Variants in FAM204A observed in about 807,000 individuals in gnomAD.
FAM204A encodes family with sequence similarity 204 member A, also known as protein FAM204A.
FAM204A carries 16 observed loss-of-function variants against 35.4 expected under a neutral mutation model. That is an observed-to-expected ratio of 0.45 (90% confidence interval 0.31 to 0.69). FAM204A has a LOEUF of 0.69. Ranked by LOEUF, FAM204A falls within the 30% of genes least tolerant of loss-of-function variation. FAM204A has a pLI of 0.07. For missense variants in FAM204A, 240 were observed against 265.7 expected, an observed-to-expected ratio of 0.90 and a Z score of 0.67; for synonymous variants, 76 against 86.9, an observed-to-expected ratio of 0.88 and a Z score of 0.70.
At position 118,311,240 on chromosome 10, in the gene FAM204A, T is replaced by C; in HGVS notation, c.617A>G (p.Gln206Arg). ...AAGTTTCTTCTTTTTTCGGGCAGCC[T>C]GTGAATTTTCAACCTCCTTTTTGGC... ...VKAKKEVENS[Q>R]AARKKKKLAW... The change falls in exon 8 of 9, where the codon CAG (glutamine) becomes CGG (arginine). Residue 206 changes from glutamine (Q) to arginine (R), a missense_variant. Transcript: ENST00000369183. The C allele has an allele frequency of 6.2e-7, 1 of 1,611,632 alleles. No individual in the cohort carries two copies. The highest frequency in any genetic ancestry group is 8.5e-7 in the Non-Finnish European group (1 of 1,179,616).
rs546554417 is a variant in FAM204A at position 118,302,237 on chromosome 10, A to G, written c.*8620T>C. ...CACAAGCCTTCAATGCATTTATTGA[A>G]ATAATGAGAAAAGGAAATGCAGGAA... On this transcript the variant is annotated 3_prime_UTR_variant, in exon 9 of 9. Coordinates refer to ENST00000369183, the MANE Select transcript of FAM204A (RefSeq NM_022063.3). 1 of 152,338 alleles carries G rather than the reference A, an allele frequency of 6.6e-6. No individual in the cohort carries two copies. The highest frequency in any genetic ancestry group is 2.4e-5 in the African/African-American group (1 of 41,578). 9.4% of individuals were successfully genotyped at this position (152,338 alleles called of 1,614,324 possible). A position where few individuals can be genotyped will look rare whatever the true frequency, so the allele number is the denominator to read the frequency against.
chr10:118,319,264 T>C (rs1170942377), intron 7 of FAM204A, among the ~76,000 whole-genome samples: 1 of 152,136 alleles, frequency 6.6e-6, no homozygotes, highest in Non-Finnish European at 1.5e-5. Flanking sequence ...GGCTACAAAT[T>C]AACAGTCTGC....
In FAM204A at chr10:118,326,234, C is replaced by T; in HGVS notation, c.463G>A (p.Glu155Lys). The T allele has an allele frequency of 2.5e-6, 4 of 1,613,164 alleles. No homozygotes were observed. The highest frequency in any genetic ancestry group is 3.4e-6 in the Non-Finnish European group (4 of 1,179,582). ...KRKKVEKSGL[E>K]KRIDQAVEEW... ...TCCACAGCCTGGTCTATCCTCTTTT[C>T]AAGGCCTGACTAGAAAAAAAAGAAA... Residue 155 changes from glutamate (E) to lysine (K), a missense_variant, in exon 7 of 9, where the codon GAA (glutamate) becomes AAA (lysine). Glu to Lys is a moderately conservative substitution (Grantham distance 56, BLOSUM62 1). Around this residue, in one of 2 missense-constraint regions of FAM204A, gnomAD observed 232 missense variants for 242.8 expected, o/e 0.96. Transcript: ENST00000369183.
chr10:118,316,665 C>A (rs1564755635), intron 7 of FAM204A, among the ~76,000 whole-genome samples: 1 of 152,078 alleles, frequency 6.6e-6, no homozygotes, highest in African/African-American at 2.4e-5. Flanking sequence ...CATAACCCAA[C>A]AAATCCTGTT....
intron 7 of FAM204A, among the ~76,000 whole-genome samples, chr10:118,316,593 C>T (rs564930706): frequency 3.9e-5 from 6 of 152,228 alleles, no homozygotes; most frequent in South Asian, 2.1e-4. Flanking sequence ...TATATATGTA[C>T]GATCGTTTAC....
chr10:118,341,683 G>T (rs538888745), intron 2 of FAM204A, 44 bp downstream of exon 2: 2 of 152,288 alleles, frequency 1.3e-5, no homozygotes, highest in South Asian at 2.1e-4. Context: ...CAAGTTAACA[G>T]TTCAAGGCTC....
At chr10:118,314,047 C>A (rs1420349412) in intron 7 of FAM204A, among the ~76,000 whole-genome samples, 2 of 152,200 alleles carry the variant, frequency 1.3e-5, no homozygotes, top group African/African-American at 4.8e-5. Context: ...AAATCCAGCA[C>A]AACTAGCATC....
chr10:118,325,362 T>G lies in FAM204A; in HGVS notation c.543+792A>C, dbSNP rs376547185. 1.4e-4 allele frequency among the ~76,000 whole-genome samples: 22 copies of G among 152,078 alleles called. No individual in the cohort carries two copies. In the East Asian group the frequency reaches 1.9e-3, roughly 13 times the overall value. ...AAGTCAGAATAGTGAGTGTGGCCAG[T>G]AATTTACCCAGATAACCCATGATGC... On this transcript the variant is annotated intron_variant, in intron 7 of 8. Transcript: ENST00000369183.
intron 7 of FAM204A, among the ~76,000 whole-genome samples, chr10:118,325,666 T>A (rs1846186721): frequency 6.6e-6 from 1 of 152,158 alleles, no homozygotes; most frequent in East Asian, 1.9e-4. Flanking sequence ...GAATACCCAA[T>A]ATATCTATTA....
At chr10:118,318,736 A>C (rs949649289) in intron 7 of FAM204A, among the ~76,000 whole-genome samples, 2 of 152,064 alleles carry the variant, frequency 1.3e-5, no homozygotes, top group African/African-American at 4.8e-5. Flanking sequence ...GATCTGCTTC[A>C]CTATAATATT....
Position 118,324,826 on chromosome 10 carries a change from A to G in FAM204A, c.543+1328T>C, listed in dbSNP as rs144577093. 3.0e-3 allele frequency among the ~76,000 whole-genome samples: 462 copies of G among 152,298 alleles called. 1 individual carries two copies. The highest frequency in any genetic ancestry group is 4.9e-3 in the Non-Finnish European group (331 of 68,016). On this transcript the variant is annotated intron_variant, in intron 7 of 8. Transcript: ENST00000369183. ...CTGCACAGCTAAAAATGATTAAGACAGTAAATTTTATGTTATGTACATTTT... is the reference window on the plus strand; with the variant it reads ...CTGCACAGCTAAAAATGATTAAGACGGTAAATTTTATGTTATGTACATTTT...
chr10:118,328,565 T>C (rs1299027352), intron 6 of FAM204A, among the ~76,000 whole-genome samples: 1 of 150,812 alleles, frequency 6.6e-6, no homozygotes, highest in Non-Finnish European at 1.5e-5. Context: ...CAATCTCAGC[T>C]CACTGCAACC....
chr10:118,320,904 G>GT (rs34541006), intron 7 of FAM204A, among the ~76,000 whole-genome samples: 2,713 of 133,784 alleles, frequency 0.02, 42 homozygotes, highest in Non-Finnish European at 0.031. Flanking sequence ...TGTGTGTGTG[G>GT]TTTTTTTTTT....
chr10:118,316,948 AG>A (rs913586247), intron 7 of FAM204A, among the ~76,000 whole-genome samples: 1 of 152,102 alleles, frequency 6.6e-6, no homozygotes, highest in African/African-American at 2.4e-5. Flanking sequence ...GCCATTCATA[AG>A]GGGAAAAAAG....
At chr10:118,333,204 G>C (rs538346892) in intron 6 of FAM204A, among the ~76,000 whole-genome samples, 69 of 152,172 alleles carry the variant, frequency 4.5e-4, no homozygotes, top group Non-Finnish European at 8.4e-4. Flanking sequence ...CTGCACGATA[G>C]ACACATATTA....
At position 118,311,265 on chromosome 10, in the gene FAM204A, C is replaced by T; in HGVS notation, c.592G>A (p.Ala198Thr). Residue 198 changes from alanine to threonine, a missense_variant, in exon 8 of 9, where the codon GCC (alanine) becomes ACC (threonine). Physicochemically the swap from Ala to Thr is moderately conservative, Grantham distance 58 (BLOSUM62 0). Around this residue, in one of 2 missense-constraint regions of FAM204A, gnomAD observed 232 missense variants for 242.8 expected, o/e 0.96. Transcript: ENST00000369183. ...TGTGAATTTTCAACCTCCTTTTTGG[C>T]TTTTACAAAGTTGTGGCAGGCAACT... ...KAVACHNFVK[A>T]KKEVENSQAA... 1 of 1,611,360 alleles carries T rather than the reference C, an allele frequency of 6.2e-7. No homozygotes were observed.
rs1372719449 is a variant in FAM204A, at chr10:118,305,359, T to C, written c.*5498A>G. 3 of 152,174 alleles carry C rather than the reference T, an allele frequency of 2.0e-5. No individual in the cohort carries two copies. Among genetic ancestry groups the C allele is most frequent in the African/African-American group, 7.2e-5 (3 of 41,436 alleles). The allele number at this position is 152,174 out of a possible 1,614,324, so 9.4% of individuals were successfully genotyped here. On this transcript the variant is annotated 3_prime_UTR_variant, in exon 9 of 9. Coordinates refer to ENST00000369183, the MANE Select transcript of FAM204A (RefSeq NM_022063.3). Reference sequence around the variant, plus strand: ...ACACGTTAATGCAGTCTAAGAAAACTTTAAGCTTAAAATCACTGAGTAATG... The same window carrying C: ...ACACGTTAATGCAGTCTAAGAAAACCTTAAGCTTAAAATCACTGAGTAATG...
intron 7 of FAM204A, among the ~76,000 whole-genome samples, chr10:118,319,166 G>A (rs1379637443): frequency 2.0e-5 from 3 of 151,868 alleles, no homozygotes; most frequent in Admixed American, 6.6e-5. Context: ...AATATAAAAC[G>A]AAAAATCTGT....
At chr10:118,325,743 C>CCCT (rs1405408267) in intron 7 of FAM204A, among the ~76,000 whole-genome samples, 3 of 152,184 alleles carry the variant, frequency 2.0e-5, no homozygotes, top group Non-Finnish European at 4.4e-5. Flanking sequence ...ATGTGCTGAG[C>CCCT]AAACAGTAAG....
Sources: gnomAD v4.1 joint callset for allele counts (sites outside exome capture counted in the v4.1 genomes callset) on GRCh38, gnomAD v4.1.1 for gene constraint, gnomAD v4.1.1 regional missense constraint, MANE v1.5 for transcripts, NCBI Gene and HGNC (gene_info 2026-07-23, HGNC 2026-07-21) for gene names.